FAIM: variants seen among roughly 807,000 people sequenced by gnomAD.
FAIM encodes the protein fas apoptotic inhibitory molecule 1.
A neutral mutation model predicts 21.2 loss-of-function variants in FAIM; 14 were observed. The ratio of observed to expected loss-of-function variants is 0.66; its 90% confidence interval spans 0.44 to 1.03. The LOEUF (loss-of-function observed/expected upper bound fraction) is 1.03. FAIM is among the 50% of genes least tolerant of loss of function. The probability of loss-of-function intolerance (pLI) is 0.00; values close to 1 mark genes in which losing one functional copy is unlikely to be tolerated. For synonymous variants in FAIM, 86 were observed against 80.4 expected, an observed-to-expected ratio of 1.07 and a Z score of -0.37; for missense variants, 222 against 247.1, an observed-to-expected ratio of 0.90 and a Z score of 0.68.
At position 138,633,152 on chromosome 3, in the gene FAIM, C is replaced by A; in HGVS notation, c.*73C>A. ...GGTAATTAAATGTGTTCAGTATGTA[C>A]TTATCAGTACATTTAGTCTGCAATG... On this transcript the variant is annotated 3_prime_UTR_variant, in exon 6 of 6. Transcript: ENST00000360570. 7.8e-7 allele frequency: 1 copy of A among 1,286,812 alleles called. No individual in the cohort carries two copies. Among genetic ancestry groups the A allele is most frequent in the Non-Finnish European group, 1.1e-6 (1 of 941,700 alleles). The allele number at this position is 1,286,812 out of a possible 1,614,324, so 79.7% of individuals were successfully genotyped here. A position where few individuals can be genotyped will look rare whatever the true frequency, so the allele number is the denominator to read the frequency against.
chr3:138,614,175 T>C (rs1462392582), intron 1 of FAIM, among the ~76,000 whole-genome samples: 2 of 152,166 alleles, frequency 1.3e-5, no homozygotes, highest in East Asian at 3.8e-4. Context: ...CATGGTGGCT[T>C]ATGCCTGTAA....
At chr3:138,620,629 G>A (rs1384994268) in intron 2 of FAIM, among the ~76,000 whole-genome samples, 2 of 152,052 alleles carry the variant, frequency 1.3e-5, no homozygotes, top group Admixed American at 1.3e-4. Context: ...CCAAGTAGCT[G>A]GGACTCCAGG....
Position 138,608,894 on chromosome 3 carries a change from T to A in FAIM, c.-60T>A, listed in dbSNP as rs978969844. On this transcript the variant is annotated 5_prime_UTR_variant, in exon 1 of 6. Coordinates refer to ENST00000360570, the MANE Select transcript of FAIM (RefSeq NM_001033031.2). ...GCCGAGTCGGAACCAACCGGTTGTT[T>A]GGTGAAACCTACCCCAGAGCCTCCC... The A allele has an allele frequency of 6.6e-6, 1 of 152,310 alleles. No homozygotes were observed. The highest frequency in any genetic ancestry group is 2.4e-5 in the African/African-American group (1 of 41,446). 9.4% of individuals were successfully genotyped at this position (152,310 alleles called of 1,614,324 possible).
chr3:138,622,868 G>A lies in FAIM; in HGVS notation c.406+452G>A, dbSNP rs769730789. On this transcript the variant is annotated intron_variant, in intron 4 of 5. Coordinates refer to ENST00000360570, the MANE Select transcript of FAIM (RefSeq NM_001033031.2). ...AGCCTGGCCAACATGGTGAAACCCC[G>A]TCCCTACTAAAAATACAAAAATTAG... is the stretch of plus-strand genomic sequence containing the variant. Among the ~76,000 whole-genome samples, 13 of 151,878 alleles carry A rather than the reference G, an allele frequency of 8.6e-5. No homozygotes were observed. The East Asian group carries it at 9.7e-4, about 11-fold the overall frequency.
At chr3:138,627,196 T>TC (rs779379682) in intron 4 of FAIM, among the ~76,000 whole-genome samples, 103 of 151,790 alleles carry the variant, frequency 6.8e-4, no homozygotes, top group Non-Finnish European at 1.1e-3. Flanking sequence ...TTTTTTTTTT[T>TC]CCCAAGACAG....
At chr3:138,610,964 C>T (rs749535650) in intron 1 of FAIM, 1 of 1,613,434 alleles carries the variant, frequency 6.2e-7, no homozygotes, top group Admixed American at 1.7e-5. Context: ...TCCTATGCTG[C>T]TTCCCTTTAT....
At chr3:138,615,230 G>T (rs145177530) in intron 1 of FAIM, among the ~76,000 whole-genome samples, 1 of 152,324 alleles carries the variant, frequency 6.6e-6, no homozygotes, top group African/African-American at 2.4e-5. Context: ...GGTACTCAAA[G>T]TATGGTTCCT....
chr3:138,628,199 C>T (rs1235207412), intron 4 of FAIM, among the ~76,000 whole-genome samples: 1 of 152,156 alleles, frequency 6.6e-6, no homozygotes, highest in Non-Finnish European at 1.5e-5. Flanking sequence ...CTATTTTTTA[C>T]TTGTAATCCA....
intron 1 of FAIM, among the ~76,000 whole-genome samples, chr3:138,613,833 G>A (rs1397390324): frequency 6.6e-6 from 1 of 152,044 alleles, no homozygotes; most frequent in Non-Finnish European, 1.5e-5. Context: ...TTCTTTTGCT[G>A]CTATCCTTTT....
intron 4 of FAIM, among the ~76,000 whole-genome samples, chr3:138,625,571 G>T (rs1383357434): frequency 6.6e-6 from 1 of 152,070 alleles, no homozygotes; most frequent in East Asian, 1.9e-4. Flanking sequence ...ATTCACTCTT[G>T]TATGTTATGT....
Position 138,633,008 on chromosome 3 carries a change from G to C in FAIM, c.535G>C (p.Gly179Arg). The stretch of plus-strand genomic sequence containing the variant: ...CTGTTACATAAAGGCTGTCAGTAGT[G>C]GGAAGCGGAAAGAAGGGATTATTCA... ...HDCYIKAVSS[G>R]KRKEGIIHTL... The change falls in exon 6 of 6, where the codon GGG becomes CGG. Residue 179 changes from glycine to arginine, a missense_variant. Coordinates refer to ENST00000360570, the MANE Select transcript of FAIM (RefSeq NM_001033031.2). 1 of 1,613,824 alleles carries C rather than the reference G, an allele frequency of 6.2e-7. No individual in the cohort carries two copies. The highest frequency in any genetic ancestry group is 1.1e-5 in the South Asian group (1 of 91,066).
chr3:138,630,247 T>C (rs2042990961), intron 5 of FAIM: 1 of 152,184 alleles, frequency 6.6e-6, no homozygotes, highest in Admixed American at 6.5e-5. Context: ...CTGGGATTAA[T>C]TCATTCAGAA....
In FAIM at chr3:138,632,931, G is replaced by C. The variant is rs2043021166; in HGVS notation, c.458G>C (p.Gly153Ala). The C allele has an allele frequency of 6.2e-7, 1 of 1,611,854 alleles. No homozygotes were observed. Among genetic ancestry groups the C allele is most frequent in the Non-Finnish European group, 8.5e-7 (1 of 1,179,182 alleles). ...WCNGKKLETA[G>A]EFVDDGTETH... ...TTCCTTCTTCTTTTGTTGCTCCAGGGTGAGTTTGTAGATGATGGGACTGAA... is the reference window on the plus strand; with the variant it reads ...TTCCTTCTTCTTTTGTTGCTCCAGGCTGAGTTTGTAGATGATGGGACTGAA... Residue 153 changes from glycine to alanine, a missense_variant and splice_region_variant, in exon 6 of 6, where the codon GGT (glycine) becomes GCT (alanine). By Grantham distance (60) the Gly-to-Ala change is moderately conservative. Transcript: ENST00000360570.
intron 4 of FAIM, among the ~76,000 whole-genome samples, chr3:138,624,012 T>C (rs1209275396): frequency 6.6e-6 from 1 of 152,194 alleles, no homozygotes; most frequent in Non-Finnish European, 1.5e-5. Flanking sequence ...AAATGAAAAG[T>C]TTTGTGCCAA....
At chr3:138,612,582 AT>A (rs534592881) in intron 1 of FAIM, among the ~76,000 whole-genome samples, 17 of 152,228 alleles carry the variant, frequency 1.1e-4, no homozygotes, top group African/African-American at 3.9e-4. Flanking sequence ...GTTTATTCTT[AT>A]GTTGATGGAC....
rs1011835739 is a variant in FAIM at position 138,633,233 on chromosome 3, C to A, written c.*154C>A. The A allele has an allele frequency of 5.5e-5, 30 of 544,036 alleles. No homozygotes were observed. The highest frequency in any genetic ancestry group is 8.5e-5 in the Non-Finnish European group (29 of 342,152). The allele number at this position is 544,036 out of a possible 1,614,324, so 33.7% of individuals were successfully genotyped here. ...AACATTCCAAGGGTCAGGAAAAAAA[C>A]CAATTATGTATAGTCATAAAAATTA... On this transcript the variant is annotated 3_prime_UTR_variant, in exon 6 of 6. Transcript: ENST00000360570.
intron 1 of FAIM, among the ~76,000 whole-genome samples, chr3:138,613,261 C>T (rs1354247377): frequency 6.6e-6 from 1 of 152,004 alleles, no homozygotes; most frequent in Non-Finnish European, 1.5e-5. Context: ...CTCAGGTGAT[C>T]CACCCGCCTC....
chr3:138,622,522 A>T, intron 4 of FAIM, 106 bp downstream of exon 4: 2 of 759,842 alleles, frequency 2.6e-6, no homozygotes, highest in South Asian at 4.1e-5. Context: ...AAGAAGAGGG[A>T]GTGTAAGTGC....
rs149247433 is a variant in FAIM at position 138,631,737 on chromosome 3, A to G, written c.457-1193A>G. Reference sequence around the variant, plus strand: ...GTCCAATTGCCAAGAAGCTACGTATATAGATTGTATTACCTAACCCTTGCC... The same window carrying G: ...GTCCAATTGCCAAGAAGCTACGTATGTAGATTGTATTACCTAACCCTTGCC... On this transcript the variant is annotated intron_variant, in intron 5 of 5. Transcript: ENST00000360570. Among the ~76,000 whole-genome samples, 345 of 152,286 alleles carry G rather than the reference A, an allele frequency of 2.3e-3. 2 individuals are homozygous for G. The highest frequency in any genetic ancestry group is 8.1e-3 in the African/African-American group (337 of 41,550).
Sources: allele counts gnomAD v4.1 joint callset (sites outside exome capture counted in the v4.1 genomes callset), GRCh38; gene constraint gnomAD v4.1.1; transcripts MANE v1.5; gene names NCBI Gene and HGNC (gene_info 2026-07-23, HGNC 2026-07-21).